ZNF510: variants seen among roughly 807,000 people sequenced by gnomAD.
The protein encoded by ZNF510 is zinc finger protein 510.
In ZNF510, 15 loss-of-function variants were observed where a neutral mutation model predicts 18.1. That is an observed-to-expected ratio of 0.83 (90% confidence interval 0.55 to 1.28). The LOEUF (loss-of-function observed/expected upper bound fraction) is 1.28. ZNF510 is among the 50% of genes most tolerant of loss of function. The probability of loss-of-function intolerance (pLI) is 0.00; values close to 1 mark genes in which losing one functional copy is unlikely to be tolerated. For missense variants in ZNF510, 724 were observed against 791.8 expected (o/e 0.91, Z 1.03); for synonymous variants, 261 against 266.4 (o/e 0.98, Z 0.20).
chr9:96,766,793 C>T (rs1849482928), intron 3 of ZNF510, among the ~76,000 whole-genome samples: 1 of 151,700 alleles, frequency 6.6e-6, no homozygotes, highest in Non-Finnish European at 1.5e-5. Context: ...AAATTAGTAT[C>T]TTTTTTTCAA....
rs1249896064 is a variant in ZNF510 at position 96,778,048 on chromosome 9, C to G, written c.-191G>C. 2.0e-5 allele frequency: 3 copies of G among 152,376 alleles called. No individual in the cohort carries two copies. The highest frequency in any genetic ancestry group is 7.2e-5 in the African/African-American group (3 of 41,468). The allele number at this position is 152,376 out of a possible 1,614,324, so 9.4% of individuals were successfully genotyped here. A position where few individuals can be genotyped will look rare whatever the true frequency, so the allele number is the denominator to read the frequency against. ...GGCGCTCTCACCTGAGCTGCGAACC[C>G]TCTGCACCAGCAAACACTAACAGGG... On this transcript the variant is annotated 5_prime_UTR_variant, in exon 1 of 6. Transcript: ENST00000223428.
At chr9:96,775,796 T>C (rs138988028) in intron 2 of ZNF510, among the ~76,000 whole-genome samples, 1 of 152,316 alleles carries the variant, frequency 6.6e-6, no homozygotes, top group East Asian at 1.9e-4. Context: ...CTACATGTGA[T>C]GGATGTTGTG....
Position 96,759,202 on chromosome 9 carries a change from G to A in ZNF510, c.1628C>T (p.Thr543Ile), listed in dbSNP as rs141487263. ...TTTTTCACATTCATTACACTGGTAA[G>A]TTTTCTCCCCAGTGTGAGTTCTCTG... ...IHQRTHTGEK[T>I]YQCNECEKSF... Residue 543 changes from threonine to isoleucine, a missense_variant, in exon 6 of 6, where the codon ACT (threonine) becomes ATT (isoleucine). Physicochemically the swap from Thr to Ile is moderately conservative, Grantham distance 89 (BLOSUM62 -1). Transcript: ENST00000223428. The A allele has an allele frequency of 1.2e-6, 2 of 1,613,910 alleles. No homozygotes were observed. The highest frequency in any genetic ancestry group is 2.7e-5 in the African/African-American group (2 of 74,874).
At chr9:96,772,480 T>A (rs1280517430) in intron 3 of ZNF510, among the ~76,000 whole-genome samples, 1 of 152,128 alleles carries the variant, frequency 6.6e-6, no homozygotes, top group Non-Finnish European at 1.5e-5. Flanking sequence ...ACATCAGTAA[T>A]GCACACATGG....
rs200663561 is a variant in ZNF510 at position 96,759,212 on chromosome 9, C to T, written c.1618G>A (p.Gly540Arg). 7.4e-6 allele frequency: 12 copies of T among 1,613,862 alleles called. No individual in the cohort carries two copies. The South Asian group carries it at 1.3e-4, about 18-fold the overall frequency. Residue 540 changes from glycine to arginine, a missense_variant, in exon 6 of 6, where the codon GGG (glycine) becomes AGG (arginine). By Grantham distance (125) the Gly-to-Arg change is moderately radical (BLOSUM62 -2). Transcript: ENST00000223428. ...NLRIHQRTHT[G>R]EKTYQCNECE... ...TCATTACACTGGTAAGTTTTCTCCC[C>T]AGTGTGAGTTCTCTGATGTATTCTG...
At chr9:96,776,818 C>T (rs966659331) in intron 1 of ZNF510, among the ~76,000 whole-genome samples, 5 of 152,066 alleles carry the variant, frequency 3.3e-5, no homozygotes, top group African/African-American at 1.2e-4. Flanking sequence ...CCAACATTTC[C>T]AAAGTTCCCT....
Position 96,764,837 on chromosome 9 carries a change from G to A in ZNF510, c.130-1205C>T, listed in dbSNP as rs535178292. Among the ~76,000 whole-genome samples, 14 of 152,122 alleles carry A rather than the reference G, an allele frequency of 9.2e-5. 1 individual carries two copies. The South Asian group carries it at 1.2e-3, about 14-fold the overall frequency. ...AGGTATAAAAAATGAGTAACGGGCC[G>A]GGTGCGGTGGCTCATGCCTGTAATC... On this transcript the variant is annotated intron_variant, in intron 3 of 5. Transcript: ENST00000223428.
At chr9:96,767,706 T>G (rs534755288) in intron 3 of ZNF510, among the ~76,000 whole-genome samples, 1 of 152,252 alleles carries the variant, frequency 6.6e-6, no homozygotes, top group Admixed American at 6.5e-5. Flanking sequence ...CAGACTGATA[T>G]AAGACTGAAT....
chr9:96,767,769 G>T (rs7045228), intron 3 of ZNF510, among the ~76,000 whole-genome samples: 9,033 of 152,176 alleles, frequency 0.059, 879 homozygotes, highest in African/African-American at 0.2. Flanking sequence ...CTGTCAGTCT[G>T]TCTTTAAATG....
chr9:96,765,320 T>C (rs1224758629), intron 3 of ZNF510, among the ~76,000 whole-genome samples: 1 of 152,148 alleles, frequency 6.6e-6, no homozygotes, highest in African/African-American at 2.4e-5. Context: ...CACTTGCAGT[T>C]ATTTTGCAGT....
intron 3 of ZNF510, among the ~76,000 whole-genome samples, chr9:96,770,535 G>A (rs946991756): frequency 1.3e-5 from 2 of 151,850 alleles, no homozygotes; most frequent in Non-Finnish European, 2.9e-5. Flanking sequence ...CTGAGGGGGC[G>A]GATGTTGCAG....
intron 3 of ZNF510, among the ~76,000 whole-genome samples, chr9:96,770,534 C>T (rs895366074): frequency 1.3e-5 from 2 of 151,408 alleles, no homozygotes; most frequent in African/African-American, 4.9e-5. Context: ...CCTGAGGGGG[C>T]GGATGTTGCA....
At chr9:96,766,210 A>T (rs1213699405) in intron 3 of ZNF510, among the ~76,000 whole-genome samples, 5 of 152,210 alleles carry the variant, frequency 3.3e-5, no homozygotes, top group Admixed American at 2.0e-4. Context: ...TCAATCTACA[A>T]TTTTAATTAG....
At position 96,759,853 on chromosome 9, in the gene ZNF510, T is replaced by TA; in HGVS notation, c.976dup (p.Tyr326LeufsTer2). The TA allele has an allele frequency of 6.2e-7, 1 of 1,613,592 alleles. No homozygotes were observed. The highest frequency in any genetic ancestry group is 2.2e-5 in the East Asian group (1 of 44,880). On this transcript the variant is annotated frameshift_variant, in exon 6 of 6. Coordinates refer to ENST00000223428, the MANE Select transcript of ZNF510 (RefSeq NM_014930.3). LOFTEE classifies it low-confidence loss of function (END_TRUNC). ...TTTTATACCCATATTAAGTTTATTA[T>TA]ATTCCTCCACAGTTGACTTCTCAAA...
Position 96,759,297 on chromosome 9 carries a change from T to C in ZNF510, c.1533A>G (p.Thr511=). 8 of 1,614,088 alleles carry C rather than the reference T, an allele frequency of 5.0e-6. No homozygotes were observed. Among genetic ancestry groups the C allele is most frequent in the Middle Eastern group, 1.6e-4 (1 of 6,062 alleles). ...STLRDHHRIH[T]GEKSFQCNQC... ...GATTGCATTGAAAGGATTTCTCCCC[T>C]GTGTGAATTCTGTGATGATCTCTGA... Residue 511 remains threonine (T), a synonymous_variant, in exon 6 of 6, where the codon ACA becomes ACG. Coordinates refer to ENST00000223428, the MANE Select transcript of ZNF510 (RefSeq NM_014930.3).
At chr9:96,775,805 T>A (rs1256660888) in intron 2 of ZNF510, among the ~76,000 whole-genome samples, 195 bp downstream of exon 2, 1 of 152,198 alleles carries the variant, frequency 6.6e-6, no homozygotes, top group African/African-American at 2.4e-5. Context: ...ATGGATGTTG[T>A]GTGAGAGTGA....
At chr9:96,764,462 T>G (rs1849424571) in intron 3 of ZNF510, among the ~76,000 whole-genome samples, 1 of 152,210 alleles carries the variant, frequency 6.6e-6, no homozygotes, top group African/African-American at 2.4e-5. Flanking sequence ...ACTTACCGCT[T>G]TTTAAATAAA....
Position 96,763,105 on chromosome 9 carries a change from C to T in ZNF510, c.352+13G>A, listed in dbSNP as rs751944005. The T allele has an allele frequency of 1.9e-6, 3 of 1,611,640 alleles. No homozygotes were observed. In the East Asian group the frequency reaches 6.7e-5, roughly 36 times the overall value. On this transcript the variant is annotated intron_variant, in intron 5 of 5. Transcript: ENST00000223428. ...TCCTGCAGAATTATGTCTACTACTGCTCAGTAACTCACTTGGGTGACTCTG... is the reference window on the plus strand; with the variant it reads ...TCCTGCAGAATTATGTCTACTACTGTTCAGTAACTCACTTGGGTGACTCTG...
In ZNF510 at chr9:96,757,644, CCAAGTT is replaced by C. The variant is rs1385379405; in HGVS notation, c.*1128_*1133del. The C allele has an allele frequency of 1.3e-5, 2 of 152,188 alleles. No individual in the cohort carries two copies. Among genetic ancestry groups the C allele is most frequent in the African/African-American group, 2.4e-5 (1 of 41,446 alleles). 9.4% of individuals were successfully genotyped at this position (152,188 alleles called of 1,614,324 possible). A position where few individuals can be genotyped will look rare whatever the true frequency, so the allele number is the denominator to read the frequency against. On this transcript the variant is annotated 3_prime_UTR_variant, in exon 6 of 6. Transcript: ENST00000223428. ...CTACAAGGAATGCTCTCCAAGAATT[CCAAGTT>C]GATGTTTGAAACCACGGGTATACTG...
Sources: allele counts gnomAD v4.1 joint callset (sites outside exome capture counted in the v4.1 genomes callset), GRCh38; gene constraint gnomAD v4.1.1; transcripts MANE v1.5; gene names NCBI Gene and HGNC (gene_info 2026-07-23, HGNC 2026-07-21).